Variants in ADCY2 observed in about 807,000 individuals in gnomAD.
ADCY2 encodes adenylate cyclase type 2.
In ADCY2, 31 loss-of-function variants were observed where a neutral mutation model predicts 125.2. The observed-to-expected ratio is 0.25, with a 90% CI of 0.19 to 0.33. The LOEUF (loss-of-function observed/expected upper bound fraction) is 0.33. Ranked by LOEUF, ADCY2 falls within the 10% of genes least tolerant of loss-of-function variation. ADCY2 has a pLI of 1.00. For missense variants in ADCY2, 904 were observed against 1,418.2 expected, an observed-to-expected ratio of 0.64 and a Z score of 5.82; for synonymous variants, 512 against 548.4, an observed-to-expected ratio of 0.93 and a Z score of 0.93.
intron 3 of ADCY2, among the ~76,000 whole-genome samples, chr5:7,596,596 C>T (rs184806882): frequency 1.5e-4 from 23 of 152,234 alleles, no homozygotes; most frequent in African/African-American, 4.3e-4. Context: ...TGGAGATCCC[C>T]GGGGAGGTCA....
intron 3 of ADCY2, among the ~76,000 whole-genome samples, chr5:7,565,279 C>T (rs141377752): frequency 2.4e-4 from 37 of 152,294 alleles, no homozygotes; most frequent in East Asian, 1.2e-3. Context: ...ATAAATGAAA[C>T]GCTGGGCAAC....
rs180762121 is a variant in ADCY2, at chr5:7,612,843, C to T, written c.571-13324C>T. Among the ~76,000 whole-genome samples the T allele has an allele frequency of 3.4e-4, 52 of 152,178 alleles. No homozygotes were observed. The East Asian group carries it at 8.9e-3, about 26-fold the overall frequency. ...CATCATGGCTAACACGGTGAAACCC[C>T]GTCTCTACTGAAAATACAAAGAATT... On this transcript the variant is annotated intron_variant, in intron 3 of 24. Transcript: ENST00000338316.
intron 2 of ADCY2, among the ~76,000 whole-genome samples, chr5:7,451,291 G>T (rs914582224): frequency 2.6e-5 from 4 of 152,228 alleles, no homozygotes; most frequent in Non-Finnish European, 4.4e-5. Flanking sequence ...AAGTCAGAAT[G>T]TCAACATTAA....
chr5:7,701,412 C>T (rs1189810745), intron 7 of ADCY2, among the ~76,000 whole-genome samples: 2 of 152,136 alleles, frequency 1.3e-5, no homozygotes, highest in Non-Finnish European at 2.9e-5. Context: ...GGCATGTCAC[C>T]AGTTCATTAG....
intron 3 of ADCY2, among the ~76,000 whole-genome samples, chr5:7,555,852 G>GCACACA (rs1491359535): frequency 0.012 from 1,566 of 127,474 alleles, 31 homozygotes; most frequent in African/African-American, 0.042. Flanking sequence ...ACACATGTGA[G>GCACACA]CGCACACACA....
intron 2 of ADCY2, among the ~76,000 whole-genome samples, chr5:7,491,610 T>G (rs1315682838): frequency 2.0e-5 from 3 of 152,188 alleles, no homozygotes; most frequent in African/African-American, 7.2e-5. Flanking sequence ...AAAAACAGTT[T>G]ATATAATTTT....
At chr5:7,520,634 C>A in intron 2 of ADCY2, 104 bp from the exon 3 acceptor site, 2 of 1,244,766 alleles carry the variant, frequency 1.6e-6, no homozygotes, top group Non-Finnish European at 2.3e-6. Context: ...CTAAAATGAG[C>A]ATGTCTCATG....
chr5:7,802,123 T>C lies in ADCY2; in HGVS notation c.2629-95T>C. ...GGAGTAGGCATTTGGGCGATGTCTG[T>C]GTGAATCCTGGCATAAACAAGCCAC... On this transcript the variant is annotated intron_variant, in intron 20 of 24. Coordinates refer to ENST00000338316, the MANE Select transcript of ADCY2 (RefSeq NM_020546.3). This position sits in a 1 kb window ranked among gnomAD's most constrained non-coding sequence, Gnocchi z 4.6. The C allele has an allele frequency of 7.0e-7, 1 of 1,432,510 alleles. No homozygotes were observed. Among genetic ancestry groups the C allele is most frequent in the Non-Finnish European group, 9.5e-7 (1 of 1,051,664 alleles). The allele number at this position is 1,432,510 out of a possible 1,614,324, so 88.7% of individuals were successfully genotyped here. A position where few individuals can be genotyped will look rare whatever the true frequency, so the allele number is the denominator to read the frequency against.
intron 15 of ADCY2, among the ~76,000 whole-genome samples, chr5:7,752,771 C>T (rs189492582): frequency 2.1e-3 from 315 of 151,492 alleles, no homozygotes; most frequent in Middle Eastern, 3.4e-3. Flanking sequence ...CATGTATGAA[C>T]ATTTTGTTTT....
At chr5:7,534,288 C>T (rs1374572895) in intron 3 of ADCY2, among the ~76,000 whole-genome samples, 2 of 152,182 alleles carry the variant, frequency 1.3e-5, no homozygotes, top group African/African-American at 2.4e-5. Context: ...AGGGTTCTGT[C>T]AATTATGTAA....
chr5:7,639,008 T>C (rs1279003960), intron 4 of ADCY2, among the ~76,000 whole-genome samples: 3 of 152,168 alleles, frequency 2.0e-5, no homozygotes, highest in African/African-American at 7.2e-5. Context: ...CTGTGTAAGA[T>C]GTGATTTGCT....
chr5:7,710,498 T>A (rs1326620406), intron 10 of ADCY2, among the ~76,000 whole-genome samples: 3 of 152,106 alleles, frequency 2.0e-5, no homozygotes, highest in South Asian at 2.1e-4. Flanking sequence ...GCCACTGTAG[T>A]AGGTCAGCTG....
intron 11 of ADCY2, 76 bp from the exon 12 acceptor site, chr5:7,717,081 T>C (rs1208818012): frequency 3.4e-6 from 3 of 883,776 alleles, no homozygotes; most frequent in Non-Finnish European, 3.6e-6. Flanking sequence ...TAAAATATTA[T>C]GTATCTCTAA....
intron 3 of ADCY2, among the ~76,000 whole-genome samples, chr5:7,587,119 A>C (rs1736655359): frequency 6.8e-6 from 1 of 147,028 alleles, no homozygotes; most frequent in Non-Finnish European, 1.5e-5. Context: ...GTCAGGTCCA[A>C]ACCCTTTCCT....
intron 4 of ADCY2, among the ~76,000 whole-genome samples, chr5:7,671,614 G>A (rs1739937854): frequency 6.6e-6 from 1 of 152,010 alleles, no homozygotes; most frequent in African/African-American, 2.4e-5. Context: ...ACTCTTACTT[G>A]GTGATGAAAA....
At chr5:7,701,270 A>T (rs1193912486) in intron 7 of ADCY2, among the ~76,000 whole-genome samples, 1 of 152,144 alleles carries the variant, frequency 6.6e-6, no homozygotes, top group Non-Finnish European at 1.5e-5. Context: ...AACACATTGG[A>T]TTAAAGAATC....
At chr5:7,750,736 G>A (rs890089854) in intron 15 of ADCY2, among the ~76,000 whole-genome samples, 16 of 151,320 alleles carry the variant, frequency 1.1e-4, no homozygotes, top group African/African-American at 3.9e-4. Flanking sequence ...TCTAACTGTT[G>A]TAGACACTTG....
rs1278009560 is a variant in ADCY2 at position 7,802,221 on chromosome 5, C to T, written c.2632C>T (p.Leu878=). 3 of 1,613,318 alleles carry T rather than the reference C, an allele frequency of 1.9e-6. No individual in the cohort carries two copies. The highest frequency in any genetic ancestry group is 1.1e-5 in the South Asian group (1 of 91,040). ...FLARSLKNEE[L]YHQSYDCVCV... ...CTCTTGCTTTTCTCCCAAGCAGGAG[C>T]TATACCACCAGTCCTATGACTGCGT... The change falls in exon 21 of 25, where the codon CTA becomes TTA. Residue 878 remains leucine, a synonymous_variant. Coordinates refer to ENST00000338316, the MANE Select transcript of ADCY2 (RefSeq NM_020546.3). The surrounding 1 kb of genome is among the most constrained non-coding windows in gnomAD (Gnocchi z 4.6).
intron 4 of ADCY2, among the ~76,000 whole-genome samples, chr5:7,639,323 A>T (rs1468623945): frequency 6.6e-6 from 1 of 152,210 alleles, no homozygotes; most frequent in Non-Finnish European, 1.5e-5. Context: ...AGCAACCTTC[A>T]TAATATGTAT....
Sources: gnomAD v4.1 joint callset for allele counts (sites outside exome capture counted in the v4.1 genomes callset) on GRCh38, gnomAD v4.1.1 for gene constraint, Gnocchi (gnomAD v3.1) non-coding constraint, MANE v1.5 for transcripts, NCBI Gene and HGNC (gene_info 2026-07-23, HGNC 2026-07-21) for gene names.